PARD3: variants seen among roughly 807,000 people sequenced by gnomAD.
PARD3 encodes the protein partitioning defective 3 homolog.
PARD3 carries 75 observed loss-of-function variants against 155.4 expected under a neutral mutation model. The observed-to-expected ratio is 0.48, with a 90% CI of 0.40 to 0.58. PARD3 has a LOEUF of 0.58. Among genes scored for constraint, PARD3 ranks in the 20% least tolerant of loss-of-function variants. PARD3 has a pLI of 0.00. For missense variants in PARD3, 1,642 were observed against 1,721.7 expected, an observed-to-expected ratio of 0.95 and a Z score of 0.82; for synonymous variants, 576 against 610.5, an observed-to-expected ratio of 0.94 and a Z score of 0.83.
At chr10:34,571,293 G>A (rs1338739593) in intron 2 of PARD3, among the ~76,000 whole-genome samples, 1 of 152,140 alleles carries the variant, frequency 6.6e-6, no homozygotes, top group Non-Finnish European at 1.5e-5. Flanking sequence ...CAGCCTAGGT[G>A]ACAGAGGAAG....
chr10:34,341,533 A>C, intron 16 of PARD3, 94 bp downstream of exon 16: 1 of 922,526 alleles, frequency 1.1e-6, no homozygotes, highest in East Asian at 2.5e-5. Flanking sequence ...AGAGCTATTA[A>C]AAAAATGATT....
intron 2 of PARD3, among the ~76,000 whole-genome samples, chr10:34,617,995 T>G (rs2091380042): frequency 6.6e-6 from 1 of 152,228 alleles, no homozygotes; most frequent in Non-Finnish European, 1.5e-5. Context: ...CTCTATACAC[T>G]GTGGCACTCA....
intron 1 of PARD3, among the ~76,000 whole-genome samples, chr10:34,804,272 A>C (rs1843116881): frequency 6.6e-6 from 1 of 152,164 alleles, no homozygotes; most frequent in Admixed American, 6.6e-5. Context: ...CCTGGCCTCA[A>C]GTGATCCGCC....
At chr10:34,448,918 CTTT>C (rs751029992) in intron 5 of PARD3, among the ~76,000 whole-genome samples, 12 of 133,804 alleles carry the variant, frequency 9.0e-5, no homozygotes, top group Admixed American at 1.5e-4. Context: ...GATAAATTAT[CTTT>C]TTTTTTTTTT....
chr10:34,388,282 C>T (rs1175798547), intron 7 of PARD3, among the ~76,000 whole-genome samples: 1 of 152,034 alleles, frequency 6.6e-6, no homozygotes, highest in Admixed American at 6.6e-5. Flanking sequence ...GAAAGTGGTA[C>T]AATCTGCAAA....
At chr10:34,256,989 T>C (rs1954685823) in intron 22 of PARD3, among the ~76,000 whole-genome samples, 1 of 152,212 alleles carries the variant, frequency 6.6e-6, no homozygotes, top group African/African-American at 2.4e-5. Context: ...CTTGCTTGAT[T>C]GGAAAAGAAA....
intron 2 of PARD3, among the ~76,000 whole-genome samples, chr10:34,581,014 T>C (rs914613038): frequency 2.6e-5 from 4 of 152,170 alleles, no homozygotes; most frequent in African/African-American, 9.7e-5. Context: ...ATTGTTTTCT[T>C]TCCCCCAACG....
chr10:34,510,473 T>C (rs2081339524), intron 3 of PARD3, among the ~76,000 whole-genome samples: 1 of 152,242 alleles, frequency 6.6e-6, no homozygotes. Context: ...TGTGCTATTT[T>C]GATCTATTAT....
intron 23 of PARD3, among the ~76,000 whole-genome samples, chr10:34,126,889 T>C (rs548400003): frequency 8.2e-4 from 125 of 151,668 alleles, no homozygotes; most frequent in African/African-American, 2.7e-3. Context: ...TCTAAGGTAA[T>C]CAGCCTGTCA....
intron 2 of PARD3, among the ~76,000 whole-genome samples, chr10:34,671,681 T>C (rs1360135217): frequency 1.3e-5 from 2 of 152,094 alleles, no homozygotes; most frequent in Admixed American, 6.6e-5. Context: ...CAAAATAAGA[T>C]TATATGTATT....
chr10:34,234,152 A>G (rs1953089151), intron 22 of PARD3, among the ~76,000 whole-genome samples: 1 of 152,164 alleles, frequency 6.6e-6, no homozygotes, highest in Admixed American at 6.5e-5. Context: ...AACTACTGAT[A>G]CGTAACTACT....
chr10:34,409,783 A>G (rs575460559), intron 5 of PARD3, among the ~76,000 whole-genome samples: 13 of 152,346 alleles, frequency 8.5e-5, no homozygotes, highest in East Asian at 3.9e-4. Context: ...CTCATTAGCT[A>G]TGTATTTGTT....
chr10:34,575,914 A>G lies in PARD3; in HGVS notation c.223-58755T>C, dbSNP rs565015568. 2.0e-5 allele frequency among the ~76,000 whole-genome samples: 3 copies of G among 152,118 alleles called. No individual in the cohort carries two copies. In the East Asian group the frequency reaches 5.8e-4, roughly 29 times the overall value. On this transcript the variant is annotated intron_variant, in intron 2 of 24. Transcript: ENST00000374788. ...TCCGTCTCAAAAAAAAAGAAAAAGA[A>G]AGAAAGAAAATCAGGTATTTGAGCT...
At chr10:34,396,586 G>C (rs1554847532) in intron 7 of PARD3, among the ~76,000 whole-genome samples, 1 of 152,054 alleles carries the variant, frequency 6.6e-6, no homozygotes, top group Non-Finnish European at 1.5e-5. Flanking sequence ...ATCTAAATGA[G>C]AAAGCAATAT....
intron 2 of PARD3, among the ~76,000 whole-genome samples, chr10:34,541,152 C>G (rs969131365): frequency 6.6e-6 from 1 of 152,098 alleles, no homozygotes. Flanking sequence ...CTTTTCCTAT[C>G]TTTTTAATGA....
chr10:34,336,425 G>A (rs1339850718), intron 17 of PARD3, 182 bp from the exon 18 acceptor site: 7 of 543,232 alleles, frequency 1.3e-5, no homozygotes, highest in Non-Finnish European at 2.0e-5. Flanking sequence ...GTGTCTCCAT[G>A]CAATATGCCA....
intron 22 of PARD3, among the ~76,000 whole-genome samples, chr10:34,211,547 C>T (rs1228829451): frequency 2.6e-5 from 4 of 152,080 alleles, no homozygotes; most frequent in Non-Finnish European, 4.4e-5. Flanking sequence ...TTTGGGAGGC[C>T]GAGGCAGACG....
At chr10:34,706,364 A>G (rs2094361810) in intron 1 of PARD3, among the ~76,000 whole-genome samples, 1 of 152,140 alleles carries the variant, frequency 6.6e-6, no homozygotes, top group African/African-American at 2.4e-5. Flanking sequence ...GCAGTTTCCA[A>G]TCTGAAGCGT....
At chr10:34,651,069 C>T (rs891606924) in intron 2 of PARD3, among the ~76,000 whole-genome samples, 2 of 135,074 alleles carry the variant, frequency 1.5e-5, no homozygotes, top group African/African-American at 5.5e-5. Context: ...CTGGCTCACA[C>T]TTTGGATGCA....
Sources: allele counts gnomAD v4.1 joint callset (sites outside exome capture counted in the v4.1 genomes callset), GRCh38; gene constraint gnomAD v4.1.1; transcripts MANE v1.5; gene names NCBI Gene and HGNC (gene_info 2026-07-23, HGNC 2026-07-21).